Variants in BMP1 observed in about 807,000 individuals in gnomAD.
BMP1 encodes mammalian tolloid protein.
A neutral mutation model predicts 116.8 loss-of-function variants in BMP1; 63 were observed. The observed-to-expected ratio is 0.54, with a 90% confidence interval of 0.44 to 0.67. The LOEUF (loss-of-function observed/expected upper bound fraction) is 0.67. BMP1 is among the 30% of genes least tolerant of loss of function. The pLI is 0.00. For missense variants in BMP1, 1,183 were observed against 1,358.9 expected, an observed-to-expected ratio of 0.87 and a Z score of 2.04; for synonymous variants, 536 against 533.4, an observed-to-expected ratio of 1.00 and a Z score of -0.07.
Position 22,177,129 on chromosome 8 carries a change from C to A in BMP1, c.720C>A (p.Asn240Lys). 1 of 1,606,020 alleles carries A rather than the reference C, an allele frequency of 6.2e-7. No homozygotes were observed. ...GCCACGTTTCCATCGTTCGTGAGAA[C>A]ATCCAGCCAGGTAGGTACCTGCCCC... ...RDRHVSIVRE[N>K]IQPGQEYNFL... Residue 240 changes from asparagine to lysine, a missense_variant, in exon 5 of 20, where the codon AAC (asparagine) becomes AAA (lysine). Physicochemically the swap from Asn to Lys is moderately conservative, Grantham distance 94. Around this residue, in one of 4 missense-constraint regions of BMP1, gnomAD observed 956 missense variants for 1,135.2 expected, o/e 0.84. Coordinates refer to ENST00000306385, the MANE Select transcript of BMP1 (RefSeq NM_006129.5).
At chr8:22,201,546 C>T (rs1829263466) in intron 15 of BMP1, 1 of 1,415,590 alleles carries the variant, frequency 7.1e-7, no homozygotes, top group South Asian at 1.5e-5. Flanking sequence ...GTAATGGTGA[C>T]CCATGCTGGT....
intron 1 of BMP1, among the ~76,000 whole-genome samples, chr8:22,166,427 G>C (rs1465804564): frequency 6.6e-6 from 1 of 152,186 alleles, no homozygotes; most frequent in African/African-American, 2.4e-5. Context: ...CATCACTCCT[G>C]CTGAGCCCAG....
At chr8:22,196,532 C>A in intron 13 of BMP1, 148 bp from the exon 14 acceptor site, 1 of 1,235,062 alleles carries the variant, frequency 8.1e-7, no homozygotes, top group Non-Finnish European at 1.1e-6. Context: ...CTCCTCCCGT[C>A]CGCCCCAGAG....
chr8:22,195,456 CCA>C lies in BMP1; in HGVS notation c.1640-3_1640-2del. ...AGTCTGTGACACCCTTTCCTTCCCA[CCA>C]CAGAGGTGGACGAGTGCTCTCGGCC... On this transcript the variant is annotated splice_polypyrimidine_tract_variant and splice_region_variant and intron_variant, in intron 12 of 19. Coordinates refer to ENST00000306385, the MANE Select transcript of BMP1 (RefSeq NM_006129.5). The C allele has an allele frequency of 6.2e-7, 1 of 1,600,990 alleles. No homozygotes were observed. Among genetic ancestry groups the C allele is most frequent in the Non-Finnish European group, 8.5e-7 (1 of 1,176,314 alleles).
chr8:22,198,227 G>A (rs1829147623), intron 15 of BMP1, among the ~76,000 whole-genome samples: 1 of 152,128 alleles, frequency 6.6e-6, no homozygotes. Flanking sequence ...CAAAGCCTTG[G>A]GGCTCCCCTG....
intron 8 of BMP1, among the ~76,000 whole-genome samples, chr8:22,183,651 G>C (rs982589005): frequency 7.9e-5 from 12 of 151,340 alleles, no homozygotes; most frequent in African/African-American, 2.7e-4. Flanking sequence ...TTGTTGCCCA[G>C]GCTGGAGTGC....
intron 1 of BMP1, among the ~76,000 whole-genome samples, chr8:22,165,925 G>GTGTGTT (rs1471427779): frequency 6.8e-6 from 1 of 146,990 alleles, no homozygotes; most frequent in Non-Finnish European, 1.5e-5. Context: ...GTGTGTGTGT[G>GTGTGTT]TTCTTTCCCC....
chr8:22,182,507 G>A (rs1828650927), intron 8 of BMP1, among the ~76,000 whole-genome samples: 1 of 152,174 alleles, frequency 6.6e-6, no homozygotes, highest in South Asian at 2.1e-4. Flanking sequence ...TCATCTTTCT[G>A]TCGTTGGCCC....
chr8:22,186,809 AG>A (rs1828784774), intron 8 of BMP1, among the ~76,000 whole-genome samples: 1 of 152,054 alleles, frequency 6.6e-6, no homozygotes, highest in Admixed American at 6.6e-5. Flanking sequence ...ACCTACCACA[AG>A]GGGGATACTA....
At position 22,194,773 on chromosome 8, in the gene BMP1, G is replaced by A; in HGVS notation, c.1493G>A (p.Gly498Glu). 6.2e-7 allele frequency: 1 copy of A among 1,613,638 alleles called. No individual in the cohort carries two copies. The highest frequency in any genetic ancestry group is 8.5e-7 in the Non-Finnish European group (1 of 1,179,860). Residue 498 changes from glycine (G) to glutamate (E), a missense_variant, in exon 12 of 20, where the codon GGG becomes GAG. Physicochemically the swap from Gly to Glu is moderately conservative, Grantham distance 98 (BLOSUM62 -2). Transcript: ENST00000306385. The surrounding 1 kb of genome is among the most constrained non-coding windows in gnomAD (Gnocchi z 4.5). ...CAYDYLEVRD[G>E]HSESSTLIGR... is the part of the protein sequence containing the mutation. The stretch of plus-strand genomic sequence containing the variant: ...TACGACTATCTGGAGGTGCGCGACG[G>A]GCACAGTGAGAGCAGCACCCTCATC...
At position 22,207,400 on chromosome 8, in the gene BMP1, G is replaced by A. The variant is rs1247153531; in HGVS notation, c.2459G>A (p.Arg820His). The A allele has an allele frequency of 1.3e-5, 21 of 1,614,052 alleles. No individual in the cohort carries two copies. The highest frequency in any genetic ancestry group is 1.6e-4 in the Middle Eastern group (1 of 6,084). The part of the protein sequence containing the change: ...GRDAKAPVLG[R>H]FCGSKKPEPV... ...GACGCCAAGGCCCCCGTCCTCGGCC[G>A]CTTCTGTGGGAGCAAGAAGCCCGAG... The change falls in exon 18 of 20, where the codon CGC becomes CAC. Residue 820 changes from arginine to histidine, a missense_variant. Transcript: ENST00000306385.
intron 1 of BMP1, among the ~76,000 whole-genome samples, 167 bp downstream of exon 1, chr8:22,165,720 C>T (rs1263633455): frequency 6.6e-6 from 1 of 152,036 alleles, no homozygotes; most frequent in African/African-American, 2.4e-5. Flanking sequence ...ATTTGGGGGA[C>T]TTTTCGGACT....
At chr8:22,193,330 T>C (rs937731801) in intron 9 of BMP1, among the ~76,000 whole-genome samples, 12 of 152,256 alleles carry the variant, frequency 7.9e-5, no homozygotes, top group Non-Finnish European at 1.8e-4. Context: ...GGGCAGTTTG[T>C]AATGTGTAAA....
intron 1 of BMP1, among the ~76,000 whole-genome samples, chr8:22,171,889 C>T (rs923953586): frequency 2.0e-5 from 3 of 152,210 alleles, no homozygotes; most frequent in Non-Finnish European, 1.5e-5. Flanking sequence ...TTCATTCATT[C>T]GAACATCCCG....
chr8:22,206,945 G>A lies in BMP1; in HGVS notation c.2325G>A (p.Trp775Ter), dbSNP rs755433726. The A allele has an allele frequency of 2.5e-6, 4 of 1,614,166 alleles. No homozygotes were observed. The highest frequency in any genetic ancestry group is 1.7e-6 in the Non-Finnish European group (2 of 1,180,024). ...DKYPSKKECT[W>*]AISSTPGHRV... ...ATCCCAGCAAGAAGGAGTGCACGTGGGCCATCTCCAGCACCCCCGGGCACC... is the reference window on the plus strand; with the variant it reads ...ATCCCAGCAAGAAGGAGTGCACGTGAGCCATCTCCAGCACCCCCGGGCACC... The change falls in exon 17 of 20, where the codon TGG becomes TGA. Residue 775 changes from tryptophan to a stop codon, truncating the protein, a stop_gained. Transcript: ENST00000306385. LOFTEE classifies it high-confidence loss of function.
In BMP1 at chr8:22,194,268, G is replaced by A. The variant is rs1829014297; in HGVS notation, c.1297+94G>A. 6.8e-7 allele frequency: 1 copy of A among 1,469,322 alleles called. No individual in the cohort carries two copies. The highest frequency in any genetic ancestry group is 2.3e-5 in the East Asian group (1 of 44,060). The allele number at this position is 1,469,322 out of a possible 1,614,324, so 91.0% of individuals were successfully genotyped here. A position where few individuals can be genotyped will look rare whatever the true frequency, so the allele number is the denominator to read the frequency against. On this transcript the variant is annotated intron_variant, in intron 10 of 19. Coordinates refer to ENST00000306385, the MANE Select transcript of BMP1 (RefSeq NM_006129.5). This position sits in a 1 kb window ranked among gnomAD's most constrained non-coding sequence, Gnocchi z 4.5. The stretch of plus-strand genomic sequence containing the variant: ...CCTGGCACCTGAGGGGCAAGATTGT[G>A]GGTTCCCAAGGGAAGAAGCAGAGAG...
At chr8:22,197,508 C>A in intron 15 of BMP1, 88 bp downstream of exon 15, 1 of 1,440,378 alleles carries the variant, frequency 6.9e-7, no homozygotes, top group South Asian at 1.4e-5. Context: ...CTGTACTCCC[C>A]AGCCCTCCCT....
chr8:22,201,668 C>A, intron 15 of BMP1, 135 bp from the exon 16 acceptor site: 1 of 1,453,694 alleles, frequency 6.9e-7, no homozygotes, highest in South Asian at 1.3e-5. Flanking sequence ...CTCCCGGCCA[C>A]CTGGCCTGGC....
intron 16 of BMP1, among the ~76,000 whole-genome samples, chr8:22,206,384 C>A (rs1829355348): frequency 6.6e-6 from 1 of 151,920 alleles, no homozygotes; most frequent in East Asian, 1.9e-4. Context: ...CGTCTGTAAT[C>A]CAAGATACTG....
Sources: gnomAD v4.1 joint callset for allele counts (sites outside exome capture counted in the v4.1 genomes callset) on GRCh38, gnomAD v4.1.1 for gene constraint, gnomAD v4.1.1 regional missense constraint, Gnocchi (gnomAD v3.1) non-coding constraint, MANE v1.5 for transcripts, NCBI Gene and HGNC (gene_info 2026-07-23, HGNC 2026-07-21) for gene names.